SPATA21: variants seen among roughly 807,000 people sequenced by gnomAD.
SPATA21 encodes spermatogenesis associated 21.
A neutral mutation model predicts 54.8 loss-of-function variants in SPATA21; 47 were observed. The observed-to-expected ratio is 0.86, with a 90% CI of 0.68 to 1.09. SPATA21 has a LOEUF of 1.09. SPATA21 is among the 50% of genes least tolerant of loss of function. SPATA21 has a pLI of 0.00. For missense variants in SPATA21, 599 were observed against 596.4 expected (o/e 1.00, Z -0.05); for synonymous variants, 245 against 235.3 (o/e 1.04, Z -0.38).
intron 11 of SPATA21, 40 bp downstream of exon 11, chr1:16,400,680 C>T: frequency 6.4e-7 from 1 of 1,574,290 alleles, no homozygotes; most frequent in Non-Finnish European, 8.6e-7. Context: ...GAGAGCAAAG[C>T]CCCAACCCTA....
At chr1:16,415,793 T>C (rs964866185) in intron 5 of SPATA21, among the ~76,000 whole-genome samples, 29 of 152,024 alleles carry the variant, frequency 1.9e-4, no homozygotes, top group East Asian at 5.8e-4. Context: ...CTCCTGACCT[T>C]GTGATCCGCC....
intron 1 of SPATA21, among the ~76,000 whole-genome samples, chr1:16,435,126 G>C (rs1307737305): frequency 6.6e-6 from 1 of 151,784 alleles, no homozygotes; most frequent in Non-Finnish European, 1.5e-5. Context: ...CAGTGTTTTG[G>C]GATTACAGGT....
At chr1:16,410,445 C>T (rs574415295) in intron 5 of SPATA21, among the ~76,000 whole-genome samples, 11 of 151,570 alleles carry the variant, frequency 7.3e-5, no homozygotes, top group Non-Finnish European at 1.3e-4. Context: ...AAGCCTTGCT[C>T]TGTTGCCCAG....
intron 5 of SPATA21, among the ~76,000 whole-genome samples, chr1:16,417,438 C>CT (rs550527293): frequency 0.046 from 5,692 of 124,716 alleles, 420 homozygotes; most frequent in African/African-American, 0.15. Context: ...TTTTTGTGGG[C>CT]TTTTTTTTTT....
In SPATA21 at chr1:16,405,076, A is replaced by C; in HGVS notation, c.702T>G (p.Asn234Lys). ...EAFRSYFEIF[N>K]GPGEVDAQSL... ...TCTGTGCATCCACCTCACCAGGACC[A>C]TTGAAGATCTCAAAGTAGCTGCGGA... The change falls in exon 8 of 13, where the codon AAT (asparagine) becomes AAG (lysine). Residue 234 changes from asparagine (N) to lysine (K), a missense_variant. Coordinates refer to ENST00000335496, the MANE Select transcript of SPATA21 (RefSeq NM_198546.1). 1 of 1,609,706 alleles carries C rather than the reference A, an allele frequency of 6.2e-7. No homozygotes were observed. The highest frequency in any genetic ancestry group is 1.3e-5 in the African/African-American group (1 of 74,768).
chr1:16,398,673 G>C lies in SPATA21; in HGVS notation c.*92C>G. 2.1e-6 allele frequency: 3 copies of C among 1,426,082 alleles called. No homozygotes were observed. In the South Asian group the frequency reaches 3.5e-5, roughly 17 times the overall value. 88.3% of individuals were successfully genotyped at this position (1,426,082 alleles called of 1,614,324 possible). On this transcript the variant is annotated 3_prime_UTR_variant, in exon 13 of 13. Transcript: ENST00000335496. ...TTATTGGTGTTTATTAGCTCACCAG[G>C]CCACAAAAGCAAATCCCAGCAGCAG...
At chr1:16,429,191 C>T (rs556035361) in intron 3 of SPATA21, among the ~76,000 whole-genome samples, 85 of 149,972 alleles carry the variant, frequency 5.7e-4, no homozygotes, top group Admixed American at 8.7e-4. Context: ...TTGTGGAGAA[C>T]GGGGTCTCGC....
intron 11 of SPATA21, 122 bp downstream of exon 11, chr1:16,400,598 G>A: frequency 3.3e-6 from 5 of 1,497,278 alleles, no homozygotes; most frequent in Non-Finnish European, 4.4e-6. Context: ...TAAGCCCGAA[G>A]TGGGAAACTG....
chr1:16,403,685 T>C, intron 10 of SPATA21, 42 bp downstream of exon 10: 1 of 1,550,634 alleles, frequency 6.4e-7, no homozygotes, highest in Non-Finnish European at 8.9e-7. Context: ...ATGCCACCTC[T>C]GTGTCCACAA....
chr1:16,405,058 A>C lies in SPATA21; in HGVS notation c.720T>G (p.Asp240Glu), dbSNP rs771802424. The C allele has an allele frequency of 1.9e-6, 3 of 1,610,454 alleles. No individual in the cohort carries two copies. The Admixed American group carries it at 5.1e-5, about 27-fold the overall frequency. ...FEIFNGPGEV[D>E]AQSLKNILLL... ...GCAGGATATTCTTCAGGCTCTGTGC[A>C]TCCACCTCACCAGGACCATTGAAGA... The change falls in exon 8 of 13, where the codon GAT (aspartate) becomes GAG (glutamate). Residue 240 changes from aspartate (D) to glutamate (E), a missense_variant. By Grantham distance (45) the Asp-to-Glu change is conservative. Transcript: ENST00000335496.
In SPATA21 at chr1:16,403,783, C is replaced by T. The variant is rs746286607; in HGVS notation, c.945G>A (p.Leu315=). ...HNPHTLLFEI[L]SLLVEMLALP... ...AGGCCAGCATCTCTACCAGCAGGGA[C>T]AGGATCTCAAAGAGTAGAGTGTGGG... The change falls in exon 10 of 13, where the codon CTG becomes CTA. Residue 315 remains leucine (L), a synonymous_variant. Coordinates refer to ENST00000335496, the MANE Select transcript of SPATA21 (RefSeq NM_198546.1). 4.3e-6 allele frequency: 7 copies of T among 1,613,456 alleles called. No individual in the cohort carries two copies. The African/African-American group carries it at 9.3e-5, about 22-fold the overall frequency.
chr1:16,416,375 A>T (rs995859972), intron 5 of SPATA21, among the ~76,000 whole-genome samples: 4 of 152,096 alleles, frequency 2.6e-5, no homozygotes, highest in African/African-American at 9.7e-5. Flanking sequence ...TGAAGATTAC[A>T]CAGTTAAAGA....
intron 1 of SPATA21, among the ~76,000 whole-genome samples, chr1:16,436,429 G>C (rs2086587727): frequency 6.6e-6 from 1 of 150,666 alleles, no homozygotes; most frequent in Admixed American, 6.6e-5. Flanking sequence ...AGTGTATACT[G>C]CTCAGGTGAT....
chr1:16,421,360 C>T lies in SPATA21; in HGVS notation c.144+149G>A. 1 of 766,092 alleles carries T rather than the reference C, an allele frequency of 1.3e-6. No individual in the cohort carries two copies. Among genetic ancestry groups the T allele is most frequent in the Non-Finnish European group, 2.1e-6 (1 of 475,354 alleles). 47.5% of individuals were successfully genotyped at this position (766,092 alleles called of 1,614,324 possible). A position where few individuals can be genotyped will look rare whatever the true frequency, so the allele number is the denominator to read the frequency against. On this transcript the variant is annotated intron_variant, in intron 5 of 12. Transcript: ENST00000335496. This position sits in a 1 kb window ranked among gnomAD's most constrained non-coding sequence, Gnocchi z 5.2. ...ACACACGTGTGCACATCCATGTGCA[C>T]TTTAACACACAGCCACACACACCTT... is the stretch of plus-strand genomic sequence containing the variant.
chr1:16,398,909 TGAG>T (rs1215933226), intron 12 of SPATA21, 87 bp from the exon 13 acceptor site: 6 of 1,385,178 alleles, frequency 4.3e-6, no homozygotes, highest in African/African-American at 1.5e-5. Flanking sequence ...CGTGCCCAAG[TGAG>T]GAGAGAGAGG....
chr1:16,433,531 A>C (rs542581453), intron 1 of SPATA21, among the ~76,000 whole-genome samples: 2 of 152,132 alleles, frequency 1.3e-5, no homozygotes, highest in South Asian at 4.2e-4. Context: ...CCTAGGGAAA[A>C]TCTCCCCCTA....
At chr1:16,426,536 G>A (rs1222502834) in intron 3 of SPATA21, among the ~76,000 whole-genome samples, 2 of 144,376 alleles carry the variant, frequency 1.4e-5, no homozygotes, top group Non-Finnish European at 3.0e-5. Flanking sequence ...TGAGATTACA[G>A]GCGTGAACCA....
chr1:16,399,695 A>G (rs1327155833), intron 11 of SPATA21, among the ~76,000 whole-genome samples, 174 bp from the exon 12 acceptor site: 2 of 152,196 alleles, frequency 1.3e-5, no homozygotes, highest in African/African-American at 4.8e-5. Flanking sequence ...CCACCTCACA[A>G]AAGTTGATGA....
chr1:16,420,307 C>T (rs959585531), intron 5 of SPATA21, among the ~76,000 whole-genome samples: 9 of 151,548 alleles, frequency 5.9e-5, no homozygotes, highest in South Asian at 2.1e-4. Context: ...AAAAGACAAG[C>T]GGAGGAGGTG....
Sources: allele counts gnomAD v4.1 joint callset (sites outside exome capture counted in the v4.1 genomes callset), GRCh38; gene constraint gnomAD v4.1.1; non-coding constraint Gnocchi (gnomAD v3.1); transcripts MANE v1.5; gene names NCBI Gene and HGNC (gene_info 2026-07-23, HGNC 2026-07-21).